PEPD: variants seen among roughly 807,000 people sequenced by gnomAD.
PEPD encodes peptidase D.
Under a neutral mutation model 60.7 loss-of-function variants are expected in PEPD, and 53 were observed. The ratio of observed to expected loss-of-function variants is 0.87; its 90% CI spans 0.70 to 1.10. The LOEUF (loss-of-function observed/expected upper bound fraction) is 1.10, where lower values mean the gene tolerates loss of function less well. Ranked by LOEUF, PEPD falls within the 50% of genes least tolerant of loss-of-function variation. PEPD has a pLI of 0.00. For synonymous variants in PEPD, 267 were observed against 284.1 expected (o/e 0.94, Z 0.60); for missense variants, 711 against 711.9 (o/e 1.00, Z 0.01).
chr19:33,437,911 A>G (rs989800620), intron 9 of PEPD, among the ~76,000 whole-genome samples: 1 of 152,226 alleles, frequency 6.6e-6, no homozygotes, highest in African/African-American at 2.4e-5. Flanking sequence ...TGAATAACAC[A>G]TGGAGTCTGA....
chr19:33,485,116 T>G (rs1030255877), intron 6 of PEPD, among the ~76,000 whole-genome samples: 2 of 152,048 alleles, frequency 1.3e-5, no homozygotes, highest in African/African-American at 4.8e-5. Flanking sequence ...GCCCCTCCAC[T>G]CTGCTCCCTG....
chr19:33,421,516 G>T (rs1969018609), intron 9 of PEPD, among the ~76,000 whole-genome samples: 1 of 152,110 alleles, frequency 6.6e-6, no homozygotes, highest in Admixed American at 6.6e-5. Flanking sequence ...TTAGAGAAAG[G>T]GTTTCACTCT....
chr19:33,454,683 G>C (rs749575906), intron 9 of PEPD, among the ~76,000 whole-genome samples: 5 of 151,586 alleles, frequency 3.3e-5, no homozygotes, highest in African/African-American at 4.9e-5. Context: ...TGAGGGAGAA[G>C]AGACAAATGT....
intron 5 of PEPD, among the ~76,000 whole-genome samples, chr19:33,491,034 T>A (rs1568498866): frequency 1.3e-5 from 2 of 152,166 alleles, no homozygotes; most frequent in Non-Finnish European, 2.9e-5. Flanking sequence ...ATATCTAAAT[T>A]GAACACATTG....
At chr19:33,469,626 G>A (rs1444661213) in intron 7 of PEPD, among the ~76,000 whole-genome samples, 3 of 151,774 alleles carry the variant, frequency 2.0e-5, no homozygotes, top group Non-Finnish European at 4.4e-5. Flanking sequence ...CGCCCACCTG[G>A]GGATCCCAGC....
At chr19:33,443,371 T>C (rs142935553) in intron 9 of PEPD, among the ~76,000 whole-genome samples, 267 of 152,352 alleles carry the variant, frequency 1.8e-3, no homozygotes, top group African/African-American at 6.1e-3. Context: ...GAATGTGAGA[T>C]TGTAATTTGC....
chr19:33,509,987 CATATCAGCGATGG>C (rs1970889778), intron 3 of PEPD, among the ~76,000 whole-genome samples: 1 of 152,214 alleles, frequency 6.6e-6, no homozygotes, highest in Admixed American at 6.5e-5. Context: ...ACACACCCAG[CATATCAGCGATGG>C]GCCTCAGAGA....
intron 9 of PEPD, among the ~76,000 whole-genome samples, chr19:33,460,592 A>AC (rs1200798421): frequency 6.6e-6 from 1 of 151,160 alleles, no homozygotes; most frequent in African/African-American, 2.4e-5. Flanking sequence ...CCCCGTACCC[A>AC]CCCCCCTGCT....
At chr19:33,510,322 G>A (rs569052148) in intron 3 of PEPD, among the ~76,000 whole-genome samples, 2 of 152,204 alleles carry the variant, frequency 1.3e-5, no homozygotes, top group South Asian at 2.1e-4. Context: ...GAAGGGAGAA[G>A]ACAGAAGGAA....
chr19:33,474,313 C>T (rs868396424), intron 7 of PEPD, among the ~76,000 whole-genome samples: 2 of 152,236 alleles, frequency 1.3e-5, no homozygotes, highest in South Asian at 4.1e-4. Flanking sequence ...TTGGGCAAGT[C>T]ACTAACTTCC....
intron 12 of PEPD, chr19:33,395,085 G>A (rs895367237): frequency 6.6e-6 from 1 of 152,228 alleles, no homozygotes; most frequent in Non-Finnish European, 1.5e-5. Flanking sequence ...CAAGGCCACG[G>A]GTCCCAAGAA....
intron 9 of PEPD, among the ~76,000 whole-genome samples, chr19:33,431,952 C>T (rs1269116562): frequency 7.3e-6 from 1 of 136,138 alleles, no homozygotes; most frequent in Non-Finnish European, 1.5e-5. Context: ...GAGATGGCGA[C>T]ACTGCACTCC....
intron 12 of PEPD, among the ~76,000 whole-genome samples, chr19:33,394,413 G>GGC (rs1968317163): frequency 6.6e-6 from 1 of 152,244 alleles, no homozygotes. Flanking sequence ...GGGTCCCCTT[G>GGC]GCGCCGCTGG....
chr19:33,412,203 T>A (rs1968793645), intron 10 of PEPD, among the ~76,000 whole-genome samples: 1 of 152,024 alleles, frequency 6.6e-6, no homozygotes, highest in African/African-American at 2.4e-5. Context: ...AAAAATTAGC[T>A]GGGTTAGGTG....
chr19:33,455,363 G>A (rs1969776166), intron 9 of PEPD, among the ~76,000 whole-genome samples: 1 of 151,984 alleles, frequency 6.6e-6, no homozygotes, highest in African/African-American at 2.4e-5. Context: ...GGCCAAGGGA[G>A]ATGCTGAAAA....
chr19:33,470,191 C>T (rs1970097735), intron 7 of PEPD, among the ~76,000 whole-genome samples: 1 of 152,194 alleles, frequency 6.6e-6, no homozygotes, highest in African/African-American at 2.4e-5. Flanking sequence ...TATCCAGCCC[C>T]AGCCTCTCTG....
rs554787049 is a variant in PEPD, at chr19:33,511,189, G to C, written c.202-34C>G. On this transcript the variant is annotated intron_variant, in intron 2 of 14. Coordinates refer to ENST00000244137, the MANE Select transcript of PEPD (RefSeq NM_000285.4). ...GGAACAAGAACTATTGTTAGCCAGT[G>C]GAACATGAGGTGCAAGGAGGGACCG... 2.5e-6 allele frequency: 4 copies of C among 1,612,790 alleles called. No individual in the cohort carries two copies. In the East Asian group the frequency reaches 8.9e-5, roughly 36 times the overall value.
intron 4 of PEPD, among the ~76,000 whole-genome samples, chr19:33,499,261 T>C (rs561789356): frequency 2.0e-4 from 30 of 152,072 alleles, no homozygotes; most frequent in Admixed American, 3.9e-4. Context: ...AACATAAAGA[T>C]CCATCAAAAG....
At chr19:33,430,149 C>A (rs1027836986) in intron 9 of PEPD, among the ~76,000 whole-genome samples, 1 of 152,192 alleles carries the variant, frequency 6.6e-6, no homozygotes, top group Non-Finnish European at 1.5e-5. Flanking sequence ...CTCCCCCTCA[C>A]GGGATTAAAT....
Sources: allele counts gnomAD v4.1 joint callset (sites outside exome capture counted in the v4.1 genomes callset), GRCh38; gene constraint gnomAD v4.1.1; transcripts MANE v1.5; gene names NCBI Gene and HGNC (gene_info 2026-07-23, HGNC 2026-07-21).